ANKRD18A: variants seen among roughly 807,000 people sequenced by gnomAD.
ANKRD18A encodes the protein ankyrin repeat domain-containing protein 18A.
Under a neutral mutation model 110.6 loss-of-function variants are expected in ANKRD18A, and 72 were observed. The observed-to-expected ratio is 0.65, with a 90% CI of 0.54 to 0.79. The LOEUF (loss-of-function observed/expected upper bound fraction) is 0.79. Among genes scored for constraint, ANKRD18A ranks in the 30% least tolerant of loss-of-function variants. The pLI is 0.00. For synonymous variants in ANKRD18A, 305 were observed against 410.3 expected (o/e 0.74, Z 3.10); for missense variants, 934 against 1,163.3 (o/e 0.80, Z 2.87).
chr9:38,614,855 C>G (rs528666957), intron 3 of ANKRD18A, among the ~76,000 whole-genome samples: 1 of 152,058 alleles, frequency 6.6e-6, no homozygotes, highest in African/African-American at 2.4e-5. Context: ...CTGTTTTTGC[C>G]GGGATGGGTA....
intron 3 of ANKRD18A, among the ~76,000 whole-genome samples, chr9:38,613,352 C>T (rs554202793): frequency 3.9e-5 from 6 of 152,118 alleles, no homozygotes; most frequent in South Asian, 2.1e-4. Flanking sequence ...CAAATCTATA[C>T]GCCACATTTA....
chr9:38,605,085 G>A (rs2993186), intron 6 of ANKRD18A, among the ~76,000 whole-genome samples: 1,952 of 152,252 alleles, frequency 0.013, 38 homozygotes, highest in African/African-American at 0.044. Context: ...CATACTGAAC[G>A]TGATACATAT....
intron 8 of ANKRD18A, 117 bp from the exon 9 acceptor site, chr9:38,596,520 T>C (rs1484203187): frequency 8.6e-6 from 8 of 925,620 alleles, no homozygotes; most frequent in Non-Finnish European, 1.2e-5. Flanking sequence ...TGTAAGTGGA[T>C]ATCCAACTGG....
intron 1 of ANKRD18A, among the ~76,000 whole-genome samples, chr9:38,617,848 A>C (rs1825921864): frequency 6.6e-6 from 1 of 152,196 alleles, no homozygotes; most frequent in Admixed American, 6.5e-5. Flanking sequence ...GGATTGATAG[A>C]ATACAGTTGG....
At chr9:38,612,319 C>T (rs1262260639) in intron 3 of ANKRD18A, among the ~76,000 whole-genome samples, 6 of 151,962 alleles carry the variant, frequency 3.9e-5, no homozygotes, top group African/African-American at 7.3e-5. Context: ...AATCCTGGGA[C>T]GTTAATGCAA....
In ANKRD18A at chr9:38,596,371, C is replaced by A; in HGVS notation, c.969G>T (p.Ala323=). Reference sequence around the variant, plus strand: ...TCTTCAACATAAAATTTCCATACATCGCATCCTTCTTTTTTCCGTAACTTT... The same window carrying A: ...TCTTCAACATAAAATTTCCATACATAGCATCCTTCTTTTTTCCGTAACTTT... ...DSQSYGKKKD[A]MYGNFMLKKD... The change falls in exon 9 of 16, where the codon GCG becomes GCT. Residue 323 remains alanine (A), a synonymous_variant. Transcript: ENST00000399703. The A allele has an allele frequency of 2.1e-6, 3 of 1,462,610 alleles. No homozygotes were observed. The highest frequency in any genetic ancestry group is 1.4e-5 in the African/African-American group (1 of 69,638). 90.6% of individuals were successfully genotyped at this position (1,462,610 alleles called of 1,614,324 possible). A position where few individuals can be genotyped will look rare whatever the true frequency, so the allele number is the denominator to read the frequency against.
At chr9:38,582,551 T>C (rs1824209047) in intron 12 of ANKRD18A, among the ~76,000 whole-genome samples, 1 of 152,120 alleles carries the variant, frequency 6.6e-6, no homozygotes, top group South Asian at 2.1e-4. Flanking sequence ...ACATTTACAG[T>C]CAATTGATTT....
intron 15 of ANKRD18A, among the ~76,000 whole-genome samples, chr9:38,573,415 T>G (rs1325378404): frequency 6.6e-6 from 1 of 152,182 alleles, no homozygotes; most frequent in Non-Finnish European, 1.5e-5. Context: ...GGTGTTTTAT[T>G]TGTACAAAGG....
chr9:38,618,658 A>G (rs1246254594), intron 1 of ANKRD18A, among the ~76,000 whole-genome samples: 1 of 152,186 alleles, frequency 6.6e-6, no homozygotes, highest in Non-Finnish European at 1.5e-5. Context: ...ACTGCTCTTC[A>G]TTCTCACAAA....
At chr9:38,589,000 A>G (rs564509888) in intron 10 of ANKRD18A, among the ~76,000 whole-genome samples, 1 of 152,360 alleles carries the variant, frequency 6.6e-6, no homozygotes, top group East Asian at 1.9e-4. Context: ...CTCTAGAAAC[A>G]TTGTCATTAA....
At chr9:38,598,410 A>G (rs1269272210) in intron 8 of ANKRD18A, among the ~76,000 whole-genome samples, 2 of 152,188 alleles carry the variant, frequency 1.3e-5, no homozygotes, top group African/African-American at 2.4e-5. Flanking sequence ...ACTTTGACAC[A>G]TAATTACACA....
chr9:38,577,361 T>C, intron 13 of ANKRD18A, 97 bp from the exon 14 acceptor site: 1 of 1,250,358 alleles, frequency 8.0e-7, no homozygotes, highest in Non-Finnish European at 1.1e-6. Context: ...CGAAGAGCAA[T>C]TTTGAGTATG....
At chr9:38,592,302 A>G (rs1272163606) in intron 10 of ANKRD18A, among the ~76,000 whole-genome samples, 1 of 152,250 alleles carries the variant, frequency 6.6e-6, no homozygotes, top group African/African-American at 2.4e-5. Context: ...TTCATGTCAT[A>G]TATTATTTTC....
intron 3 of ANKRD18A, among the ~76,000 whole-genome samples, chr9:38,611,554 G>A (rs1825622706): frequency 6.6e-6 from 1 of 152,052 alleles, no homozygotes. Context: ...TTATTTACCA[G>A]TCCCCAAAAT....
intron 12 of ANKRD18A, among the ~76,000 whole-genome samples, chr9:38,584,434 G>C (rs573100869): frequency 2.0e-5 from 3 of 152,216 alleles, no homozygotes; most frequent in Non-Finnish European, 4.4e-5. Context: ...AATGATGTGG[G>C]GTTTGTTTTT....
intron 7 of ANKRD18A, among the ~76,000 whole-genome samples, chr9:38,602,498 GCAGA>G (rs1262056960): frequency 7.2e-5 from 11 of 152,194 alleles, no homozygotes; most frequent in Admixed American, 4.6e-4. Flanking sequence ...AGAAAAAGGG[GCAGA>G]CAGAGAAAGG....
intron 15 of ANKRD18A, chr9:38,573,210 T>C (rs1823728530): frequency 2.6e-6 from 2 of 782,984 alleles, no homozygotes; most frequent in Non-Finnish European, 3.5e-6. Flanking sequence ...TTACAAAATG[T>C]GGCCCTTAGT....
At position 38,596,077 on chromosome 9, in the gene ANKRD18A, G is replaced by A; in HGVS notation, c.1263C>T (p.Ser421=). The change falls in exon 9 of 16, where the codon TCC becomes TCT. Residue 421 remains serine, a synonymous_variant. Transcript: ENST00000399703. Reference sequence around the variant, plus strand: ...TAGCAGTGGCCAGGCTAGAATGGAGGGATTCAACTTCAGCTTCTAGTCTTT... The same window carrying A: ...TAGCAGTGGCCAGGCTAGAATGGAGAGATTCAACTTCAGCTTCTAGTCTTT... ...NKERLEAEVE[S]LHSSLATAIN... is the part of the protein sequence containing the mutation. The A allele has an allele frequency of 6.4e-7, 1 of 1,551,214 alleles. No individual in the cohort carries two copies. The highest frequency in any genetic ancestry group is 8.7e-7 in the Non-Finnish European group (1 of 1,146,672).
Position 38,595,693 on chromosome 9 carries a change from T to C in ANKRD18A, c.1647A>G (p.Gln549=). ...QNSLEERIRQ[Q]ELENLLLERQ... ...GTTCAAGCAAGAGATTTTCAAGTTC[T>C]TGTTGACGTATTCTCTCCTCTAAAG... Residue 549 remains glutamine, a synonymous_variant, in exon 9 of 16, where the codon CAA becomes CAG. Coordinates refer to ENST00000399703, the MANE Select transcript of ANKRD18A (RefSeq NM_147195.4). 6.4e-7 allele frequency: 1 copy of C among 1,551,374 alleles called. No individual in the cohort carries two copies. Among genetic ancestry groups the C allele is most frequent in the Non-Finnish European group, 8.7e-7 (1 of 1,146,696 alleles).
Sources: gnomAD v4.1 joint callset for allele counts (sites outside exome capture counted in the v4.1 genomes callset) on GRCh38, gnomAD v4.1.1 for gene constraint, MANE v1.5 for transcripts, NCBI Gene and HGNC (gene_info 2026-07-23, HGNC 2026-07-21) for gene names.